Variants in RAB21 observed in about 807,000 individuals in gnomAD.
RAB21 encodes ras-related protein Rab-21.
In RAB21, 13 loss-of-function variants were observed where a neutral mutation model predicts 33.1. The observed-to-expected ratio is 0.39, with a 90% CI of 0.26 to 0.62. RAB21 has a LOEUF of 0.62. Ranked by LOEUF, RAB21 falls within the 20% of genes least tolerant of loss-of-function variation. The pLI is 0.48. For missense variants in RAB21, 234 were observed against 279.1 expected, an observed-to-expected ratio of 0.84 and a Z score of 1.15; for synonymous variants, 91 against 103.7, an observed-to-expected ratio of 0.88 and a Z score of 0.74.
chr12:71,780,929 G>A (rs1049436289), intron 4 of RAB21, among the ~76,000 whole-genome samples: 7 of 152,074 alleles, frequency 4.6e-5, no homozygotes, highest in East Asian at 1.9e-4. Context: ...CTTCCATAGG[G>A]TATTTTTCCT....
At position 71,792,782 on chromosome 12, in the gene RAB21, C is replaced by G. The variant is rs1299437396; in HGVS notation, c.*7109C>G. 2 of 152,134 alleles carry G rather than the reference C, an allele frequency of 1.3e-5. No homozygotes were observed. The highest frequency in any genetic ancestry group is 2.4e-5 in the African/African-American group (1 of 41,412). The allele number at this position is 152,134 out of a possible 1,614,324, so 9.4% of individuals were successfully genotyped here. A position where few individuals can be genotyped will look rare whatever the true frequency, so the allele number is the denominator to read the frequency against. ...AAGTGCCTTCCTTTATCGTTGGAAC[C>G]TAGAGATGAGCTGATACCTGTTGCA... On this transcript the variant is annotated 3_prime_UTR_variant, in exon 7 of 7. Coordinates refer to ENST00000261263, the MANE Select transcript of RAB21 (RefSeq NM_014999.4).
rs953493362 is a variant in RAB21 at position 71,797,537 on chromosome 12, A to T, written c.*11864A>T. The stretch of plus-strand genomic sequence containing the variant: ...GATAGGAAGACAACATACACATTTC[A>T]GTTCTCTAAATTGAATGCAATCCCA... On this transcript the variant is annotated 3_prime_UTR_variant, in exon 7 of 7. Transcript: ENST00000261263. 5.3e-5 allele frequency: 8 copies of T among 150,134 alleles called. No individual in the cohort carries two copies. The highest frequency in any genetic ancestry group is 1.0e-4 in the Non-Finnish European group (7 of 67,740). 9.3% of individuals were successfully genotyped at this position (150,134 alleles called of 1,614,324 possible).
chr12:71,790,428 TATA>T lies in RAB21; in HGVS notation c.*4758_*4760del, dbSNP rs749589013. On this transcript the variant is annotated 3_prime_UTR_variant, in exon 7 of 7. Coordinates refer to ENST00000261263, the MANE Select transcript of RAB21 (RefSeq NM_014999.4). ...ATGGTGAGGGATAGCAAGGATAAAG[TATA>T]ATGTTGAAAAGTAGAAAGAAGTGGT... 6.6e-6 allele frequency: 1 copy of T among 151,942 alleles called. No homozygotes were observed. The highest frequency in any genetic ancestry group is 1.5e-5 in the Non-Finnish European group (1 of 67,902). The allele number at this position is 151,942 out of a possible 1,614,324, so 9.4% of individuals were successfully genotyped here. A position where few individuals can be genotyped will look rare whatever the true frequency, so the allele number is the denominator to read the frequency against.
In RAB21 at chr12:71,789,597, C is replaced by CGTCA. The variant is rs1883349822; in HGVS notation, c.*3925_*3926insTCAG. The CGTCA allele has an allele frequency of 6.6e-6, 1 of 151,982 alleles. No individual in the cohort carries two copies. The highest frequency in any genetic ancestry group is 1.5e-5 in the Non-Finnish European group (1 of 67,932). The allele number at this position is 151,982 out of a possible 1,614,324, so 9.4% of individuals were successfully genotyped here. A position where few individuals can be genotyped will look rare whatever the true frequency, so the allele number is the denominator to read the frequency against. ...AAGGATATAGATAGTAGTAGTGACC[C>CGTCA]GCAGGAGCCTCACAATAATGTCTAA... On this transcript the variant is annotated 3_prime_UTR_variant, in exon 7 of 7. Coordinates refer to ENST00000261263, the MANE Select transcript of RAB21 (RefSeq NM_014999.4).
At chr12:71,766,601 A>C (rs1281648803) in intron 1 of RAB21, among the ~76,000 whole-genome samples, 1 of 152,166 alleles carries the variant, frequency 6.6e-6, no homozygotes, top group Admixed American at 6.5e-5. Context: ...TATACCCATG[A>C]AAAGATAATT....
intron 3 of RAB21, among the ~76,000 whole-genome samples, chr12:71,771,855 A>G (rs1308937236): frequency 6.6e-6 from 1 of 152,036 alleles, no homozygotes; most frequent in Admixed American, 6.6e-5. Context: ...ACATGCCTAT[A>G]ATCTTAGCTA....
intron 4 of RAB21, among the ~76,000 whole-genome samples, chr12:71,775,396 G>C (rs866501475): frequency 3.3e-5 from 5 of 152,152 alleles, no homozygotes; most frequent in Non-Finnish European, 5.9e-5. Context: ...CTGTTTTCTC[G>C]CTTTCTTTCT....
rs1214205082 is a variant in RAB21, at chr12:71,796,233, T to G, written c.*10560T>G. On this transcript the variant is annotated 3_prime_UTR_variant, in exon 7 of 7. Coordinates refer to ENST00000261263, the MANE Select transcript of RAB21 (RefSeq NM_014999.4). ...AGAACCTCATCATGAGATTTGAGAATAGCTTTAGAGTTACTCTTGGGATAG... is the reference window on the plus strand; with the variant it reads ...AGAACCTCATCATGAGATTTGAGAAGAGCTTTAGAGTTACTCTTGGGATAG... 1 of 137,740 alleles carries G rather than the reference T, an allele frequency of 7.3e-6. No individual in the cohort carries two copies. The highest frequency in any genetic ancestry group is 2.9e-5 in the African/African-American group (1 of 34,264). 8.5% of individuals were successfully genotyped at this position (137,740 alleles called of 1,614,324 possible). A position where few individuals can be genotyped will look rare whatever the true frequency, so the allele number is the denominator to read the frequency against.
chr12:71,770,736 T>C (rs760666243), intron 3 of RAB21, 37 bp downstream of exon 3: 1 of 1,365,208 alleles, frequency 7.3e-7, no homozygotes, highest in Admixed American at 2.1e-5. Context: ...AGAAGAACAA[T>C]AGTAATTTTT....
intron 3 of RAB21, 64 bp downstream of exon 3, chr12:71,770,763 T>A: frequency 9.4e-7 from 1 of 1,060,192 alleles, no homozygotes; most frequent in Non-Finnish European, 1.4e-6. Context: ...TCCATTAATA[T>A]ACCTTTATTC....
intron 1 of RAB21, among the ~76,000 whole-genome samples, chr12:71,756,827 T>C (rs1164158593): frequency 6.6e-6 from 1 of 152,218 alleles, no homozygotes; most frequent in Non-Finnish European, 1.5e-5. Context: ...TTATTTTGCT[T>C]GCTTTCTGTC....
intron 1 of RAB21, 89 bp from the exon 2 acceptor site, chr12:71,769,711 A>C: frequency 1.7e-6 from 1 of 587,268 alleles, no homozygotes; most frequent in Non-Finnish European, 2.8e-6. Context: ...GATAACTTTT[A>C]CATTGAGATG....
chr12:71,765,393 C>T (rs987631515), intron 1 of RAB21, among the ~76,000 whole-genome samples: 4 of 152,074 alleles, frequency 2.6e-5, no homozygotes, highest in Admixed American at 6.6e-5. Context: ...TTTTCTTCCA[C>T]TCTGGGTTGT....
intron 6 of RAB21, among the ~76,000 whole-genome samples, chr12:71,782,978 C>T (rs998042226): frequency 6.6e-6 from 1 of 151,998 alleles, no homozygotes; most frequent in African/African-American, 2.4e-5. Flanking sequence ...GTAACAACCT[C>T]TTGCAATGAA....
rs1055858762 is a variant in RAB21, at chr12:71,793,567, G to A, written c.*7894G>A. 6.6e-6 allele frequency: 1 copy of A among 152,122 alleles called. No homozygotes were observed. The highest frequency in any genetic ancestry group is 1.5e-5 in the Non-Finnish European group (1 of 68,026). 9.4% of individuals were successfully genotyped at this position (152,122 alleles called of 1,614,324 possible). A position where few individuals can be genotyped will look rare whatever the true frequency, so the allele number is the denominator to read the frequency against. ...TATCCCATTAGTTGGTTATACACAA[G>A]TTACTTTCATTCTTACTAGTTCACA... On this transcript the variant is annotated 3_prime_UTR_variant, in exon 7 of 7. Coordinates refer to ENST00000261263, the MANE Select transcript of RAB21 (RefSeq NM_014999.4).
intron 4 of RAB21, among the ~76,000 whole-genome samples, chr12:71,780,821 C>G (rs1372099634): frequency 2.0e-5 from 3 of 152,136 alleles, no homozygotes; most frequent in Admixed American, 6.5e-5. Context: ...CTCCTAGAAT[C>G]TATATGGTTC....
At chr12:71,771,466 T>C (rs1294149231) in intron 3 of RAB21, among the ~76,000 whole-genome samples, 1 of 152,234 alleles carries the variant, frequency 6.6e-6, no homozygotes, top group Non-Finnish European at 1.5e-5. Flanking sequence ...TTGTTTTTTC[T>C]CTTTATTTTT....
intron 3 of RAB21, among the ~76,000 whole-genome samples, chr12:71,773,219 T>C (rs1301944183): frequency 6.6e-6 from 1 of 152,232 alleles, no homozygotes; most frequent in Non-Finnish European, 1.5e-5. Flanking sequence ...CTACTATGCT[T>C]CACTCATACT....
chr12:71,773,452 C>T (rs368965996), intron 3 of RAB21, among the ~76,000 whole-genome samples: 9 of 152,288 alleles, frequency 5.9e-5, no homozygotes, highest in South Asian at 2.1e-4. Flanking sequence ...AAAACCCTGT[C>T]GTACACTAAA....
Sources: gnomAD v4.1 joint callset for allele counts (sites outside exome capture counted in the v4.1 genomes callset) on GRCh38, gnomAD v4.1.1 for gene constraint, MANE v1.5 for transcripts, NCBI Gene and HGNC (gene_info 2026-07-23, HGNC 2026-07-21) for gene names.